The following DPYD variants were observed in gnomAD, a reference collection of about 807,000 sequenced individuals.
DPYD encodes dihydropyrimidine dehydrogenase.
A neutral mutation model predicts 116.2 loss-of-function variants in DPYD; 109 were observed. The ratio of observed to expected loss-of-function variants is 0.94; its 90% CI spans 0.80 to 1.10. The LOEUF (loss-of-function observed/expected upper bound fraction) is 1.10. Among genes scored for constraint, DPYD ranks in the 50% least tolerant of loss-of-function variants. The pLI is 0.00. For synonymous variants in DPYD, 440 were observed against 432.0 expected (o/e 1.02, Z -0.23); for missense variants, 1,302 against 1,254.5 (o/e 1.04, Z -0.57).
rs1261545218 is a variant in DPYD at position 97,595,045 on chromosome 1, A to G, written c.958+14T>C. 2.5e-6 allele frequency: 4 copies of G among 1,584,528 alleles called. No individual in the cohort carries two copies. Among genetic ancestry groups the G allele is most frequent in the Non-Finnish European group, 3.5e-6 (4 of 1,153,604 alleles). Reference sequence around the variant, plus strand: ...GCATACTCACTATTAAGCATAAAAGACAATATGTTATACCTGCTTTACTGC... The same window carrying G: ...GCATACTCACTATTAAGCATAAAAGGCAATATGTTATACCTGCTTTACTGC... On this transcript the variant is annotated intron_variant, in intron 9 of 22. Transcript: ENST00000370192.
At chr1:97,130,772 CCTTCCTTT>C (rs1653237375) in intron 20 of DPYD, among the ~76,000 whole-genome samples, 2 of 41,406 alleles carry the variant, frequency 4.8e-5, no homozygotes, top group African/African-American at 2.7e-4. Flanking sequence ...TTCCTTCCTT[CCTTCCTTT>C]CCTTCCCTCC....
chr1:97,337,713 T>C (rs1669375206), intron 16 of DPYD, among the ~76,000 whole-genome samples: 1 of 149,236 alleles, frequency 6.7e-6, no homozygotes, highest in African/African-American at 2.5e-5. Context: ...ATGAAAGCAA[T>C]ACAGATCTGA....
intron 12 of DPYD, among the ~76,000 whole-genome samples, chr1:97,535,729 A>G (rs1056338415): frequency 2.0e-5 from 3 of 152,156 alleles, no homozygotes; most frequent in Non-Finnish European, 4.4e-5. Flanking sequence ...TCTATCACCA[A>G]CTAGACAGTT....
At chr1:97,205,796 T>TGTGC (rs1448678368) in intron 19 of DPYD, among the ~76,000 whole-genome samples, 3 of 152,132 alleles carry the variant, frequency 2.0e-5, no homozygotes, top group African/African-American at 7.2e-5. Context: ...GTAGAAACCC[T>TGTGC]ACTGCTGGAG....
intron 12 of DPYD, among the ~76,000 whole-genome samples, chr1:97,525,509 T>G (rs1648987299): frequency 6.6e-6 from 1 of 152,156 alleles, no homozygotes; most frequent in Non-Finnish European, 1.5e-5. Flanking sequence ...GGCAGAGAGA[T>G]ACTCAACATA....
intron 16 of DPYD, among the ~76,000 whole-genome samples, chr1:97,328,693 GATAAC>G (rs1371902871): frequency 1.3e-5 from 2 of 151,988 alleles, no homozygotes; most frequent in African/African-American, 4.8e-5. Flanking sequence ...AGTTAGAAAA[GATAAC>G]AGAACTATAT....
At chr1:97,249,639 T>A (rs1662951553) in intron 18 of DPYD, among the ~76,000 whole-genome samples, 1 of 151,756 alleles carries the variant, frequency 6.6e-6, no homozygotes, top group South Asian at 2.1e-4. Context: ...ACAAAATACA[T>A]CATTAAGAAA....
At chr1:97,544,443 C>A (rs1650675093) in intron 12 of DPYD, among the ~76,000 whole-genome samples, 1 of 152,126 alleles carries the variant, frequency 6.6e-6, no homozygotes, top group Admixed American at 6.5e-5. Context: ...TCTTACATGG[C>A]ACAACCTTTA....
At chr1:97,733,994 T>C (rs986553425) in intron 4 of DPYD, among the ~76,000 whole-genome samples, 9 of 152,106 alleles carry the variant, frequency 5.9e-5, no homozygotes, top group African/African-American at 1.9e-4. Context: ...CCTTCTCATA[T>C]AAATTTTCAG....
intron 16 of DPYD, among the ~76,000 whole-genome samples, chr1:97,324,347 A>C (rs1668601208): frequency 6.6e-6 from 1 of 152,024 alleles, no homozygotes; most frequent in African/African-American, 2.4e-5. Flanking sequence ...TTATGGCATC[A>C]CACTTCCTGA....
intron 16 of DPYD, among the ~76,000 whole-genome samples, chr1:97,354,176 A>T (rs1670295049): frequency 6.6e-6 from 1 of 152,236 alleles, no homozygotes. Flanking sequence ...ATGGGACATT[A>T]GGGCATTTGT....
intron 13 of DPYD, among the ~76,000 whole-genome samples, chr1:97,471,924 G>A (rs1247381763): frequency 6.6e-6 from 1 of 152,138 alleles, no homozygotes; most frequent in Admixed American, 6.5e-5. Context: ...TTGAAGTAGT[G>A]CCTTCAGTTT....
chr1:97,390,628 T>C (rs1485491742), intron 14 of DPYD, among the ~76,000 whole-genome samples: 1 of 151,996 alleles, frequency 6.6e-6, no homozygotes, highest in Admixed American at 6.6e-5. Flanking sequence ...CAAGTTGTCT[T>C]TTAAAATTAT....
intron 18 of DPYD, among the ~76,000 whole-genome samples, chr1:97,291,608 T>A (rs12731707): frequency 2.0e-5 from 3 of 151,810 alleles, no homozygotes; most frequent in South Asian, 2.1e-4. Flanking sequence ...AACACCGCAT[T>A]TTCTCACTCA....
chr1:97,094,253 G>A (rs1177616130), intron 21 of DPYD, among the ~76,000 whole-genome samples: 3 of 151,966 alleles, frequency 2.0e-5, no homozygotes, highest in Middle Eastern at 3.2e-3. Context: ...TTAGGATTAC[G>A]GTTACAATGG....
intron 5 of DPYD, among the ~76,000 whole-genome samples, chr1:97,703,623 T>C (rs1326305336): frequency 6.6e-6 from 1 of 151,858 alleles, no homozygotes; most frequent in African/African-American, 2.4e-5. Context: ...TTAAATAAAA[T>C]TAAAAATGCA....
chr1:97,843,555 A>C (rs959027096), intron 2 of DPYD, among the ~76,000 whole-genome samples: 10 of 152,152 alleles, frequency 6.6e-5, no homozygotes, highest in Middle Eastern at 3.2e-3. Flanking sequence ...ACAAGTTAGA[A>C]ATGTGAACTT....
intron 5 of DPYD, among the ~76,000 whole-genome samples, chr1:97,705,339 G>T (rs1661870129): frequency 6.6e-6 from 1 of 151,834 alleles, no homozygotes; most frequent in African/African-American, 2.4e-5. Flanking sequence ...GTGTCCATGT[G>T]TTCTCATTGT....
chr1:97,559,432 G>A (rs1304270467), intron 11 of DPYD, among the ~76,000 whole-genome samples: 1 of 152,118 alleles, frequency 6.6e-6, no homozygotes, highest in Non-Finnish European at 1.5e-5. Flanking sequence ...GTAAGTCTAT[G>A]TGTGTCTGAC....
Sources: gnomAD v4.1 joint callset for allele counts (sites outside exome capture counted in the v4.1 genomes callset) on GRCh38, gnomAD v4.1.1 for gene constraint, MANE v1.5 for transcripts, NCBI Gene and HGNC (gene_info 2026-07-23, HGNC 2026-07-21) for gene names.